The following PPP2R2A variants were observed in gnomAD, a reference collection of about 807,000 sequenced individuals.
PPP2R2A encodes serine/threonine-protein phosphatase 2A 55 kDa regulatory subunit B alpha isoform.
Under a neutral mutation model 53.2 loss-of-function variants are expected in PPP2R2A, and 9 were observed. That is an observed-to-expected ratio of 0.17 (90% CI 0.10 to 0.30). The LOEUF (loss-of-function observed/expected upper bound fraction) is 0.30. Among genes scored for constraint, PPP2R2A ranks in the 10% least tolerant of loss-of-function variants. The pLI is 1.00. For missense variants in PPP2R2A, 235 were observed against 534.6 expected (o/e 0.44, Z 5.53); for synonymous variants, 169 against 174.2 (o/e 0.97, Z 0.23).
chr8:26,330,987 T>C (rs1046614870), intron 2 of PPP2R2A, among the ~76,000 whole-genome samples: 1 of 152,158 alleles, frequency 6.6e-6, no homozygotes, highest in Non-Finnish European at 1.5e-5. Context: ...CTCTACCTGC[T>C]GGTGGGGATT....
At chr8:26,331,897 G>C (rs1375312277) in intron 2 of PPP2R2A, among the ~76,000 whole-genome samples, 1 of 152,152 alleles carries the variant, frequency 6.6e-6, no homozygotes, top group Non-Finnish European at 1.5e-5. Flanking sequence ...GCAATGTTTA[G>C]AGTGTTTTAT....
chr8:26,343,105 C>G (rs1475073392), intron 3 of PPP2R2A, among the ~76,000 whole-genome samples: 1 of 151,798 alleles, frequency 6.6e-6, no homozygotes, highest in African/African-American at 2.4e-5. Flanking sequence ...ACCTAGGAGG[C>G]GGAGGTTGCA....
chr8:26,306,903 G>C (rs1802050013), intron 2 of PPP2R2A, among the ~76,000 whole-genome samples: 1 of 152,140 alleles, frequency 6.6e-6, no homozygotes, highest in East Asian at 1.9e-4. Context: ...CTTTCTCCCA[G>C]TTTCTTCGTC....
intron 2 of PPP2R2A, among the ~76,000 whole-genome samples, chr8:26,323,382 A>G (rs1802937401): frequency 6.6e-6 from 1 of 152,158 alleles, no homozygotes; most frequent in Non-Finnish European, 1.5e-5. Context: ...CCCCCCATTC[A>G]GTTCCAACAC....
At chr8:26,302,788 A>G (rs979028676) in intron 2 of PPP2R2A, among the ~76,000 whole-genome samples, 1 of 152,228 alleles carries the variant, frequency 6.6e-6, no homozygotes, top group Non-Finnish European at 1.5e-5. Flanking sequence ...AGAGATTTGC[A>G]GCAGTGTAAA....
In PPP2R2A at chr8:26,321,269, G is replaced by T. The variant is rs1358462324; in HGVS notation, c.83-17621G>T. 2.0e-5 allele frequency among the ~76,000 whole-genome samples: 3 copies of T among 152,156 alleles called. No homozygotes were observed. Among genetic ancestry groups the T allele is most frequent in the Non-Finnish European group, 4.4e-5 (3 of 68,028 alleles). ...CATGTATTCTGTACTTTGAAACTGG[G>T]ATTGAAAACTAAATGGCTCTTACCA... On this transcript the variant is annotated intron_variant, in intron 2 of 9. Coordinates refer to ENST00000380737, the MANE Select transcript of PPP2R2A (RefSeq NM_002717.4). This position sits in a 1 kb window ranked among gnomAD's most constrained non-coding sequence, Gnocchi z 4.1.
chr8:26,346,286 G>A (rs549693835), intron 3 of PPP2R2A, among the ~76,000 whole-genome samples: 6 of 151,880 alleles, frequency 4.0e-5, no homozygotes, highest in Non-Finnish European at 8.8e-5. Flanking sequence ...GATTACAGAC[G>A]TGCACCACCA....
At chr8:26,345,784 G>A (rs1037361914) in intron 3 of PPP2R2A, among the ~76,000 whole-genome samples, 2 of 151,992 alleles carry the variant, frequency 1.3e-5, no homozygotes, top group Admixed American at 1.3e-4. Flanking sequence ...ATTGGATTTT[G>A]GTTTTACTTT....
chr8:26,330,417 TC>T (rs1309359290), intron 2 of PPP2R2A, among the ~76,000 whole-genome samples: 14 of 151,156 alleles, frequency 9.3e-5, no homozygotes, highest in African/African-American at 3.4e-4. Flanking sequence ...CAAGCGATCC[TC>T]CCATGTTCAA....
chr8:26,359,623 G>A (rs1244499174), intron 4 of PPP2R2A, among the ~76,000 whole-genome samples: 1 of 138,952 alleles, frequency 7.2e-6, no homozygotes, highest in Non-Finnish European at 1.6e-5. Context: ...TCCTACTTGT[G>A]AACCCTGATA....
In PPP2R2A at chr8:26,370,588, CTG is replaced by C; in HGVS notation, c.*178_*179del. ...TGGAGAAAGCTCTGTGGATTCATCACTGTGGTGTTCTCCATGTCTGCTAGCCA... is the reference window on the plus strand; with the variant it reads ...TGGAGAAAGCTCTGTGGATTCATCACTGGTGTTCTCCATGTCTGCTAGCCA... On this transcript the variant is annotated 3_prime_UTR_variant, in exon 10 of 10. Transcript: ENST00000380737. The surrounding 1 kb of genome is among the most constrained non-coding windows in gnomAD (Gnocchi z 6.1). 2 of 726,760 alleles carry C rather than the reference CTG, an allele frequency of 2.8e-6. No homozygotes were observed. Among genetic ancestry groups the C allele is most frequent in the South Asian group, 1.9e-5 (1 of 52,774 alleles). The allele number at this position is 726,760 out of a possible 1,614,324, so 45.0% of individuals were successfully genotyped here.
intron 3 of PPP2R2A, among the ~76,000 whole-genome samples, chr8:26,349,514 GCT>G (rs1268441929): frequency 6.6e-6 from 1 of 152,144 alleles, no homozygotes; most frequent in Non-Finnish European, 1.5e-5. Flanking sequence ...AAGTGGGATT[GCT>G]GGATTATATG....
chr8:26,303,492 G>C (rs951279102), intron 2 of PPP2R2A, among the ~76,000 whole-genome samples: 2 of 152,126 alleles, frequency 1.3e-5, no homozygotes, highest in Admixed American at 6.5e-5. Flanking sequence ...TCTGTTCTAG[G>C]AAAGAAGGCA....
At chr8:26,367,199 T>C (rs1805420136) in intron 9 of PPP2R2A, among the ~76,000 whole-genome samples, 1 of 152,196 alleles carries the variant, frequency 6.6e-6, no homozygotes, top group South Asian at 2.1e-4. Flanking sequence ...TTTAAAATTA[T>C]CTGATTTTTG....
At position 26,369,478 on chromosome 8, in the gene PPP2R2A, C is replaced by T. The variant is rs188923257; in HGVS notation, c.1065-656C>T. On this transcript the variant is annotated intron_variant, in intron 9 of 9. Coordinates refer to ENST00000380737, the MANE Select transcript of PPP2R2A (RefSeq NM_002717.4). ...CGACCTTGGCTCACTGCAAGCTCCACCTCCCGGGTTCACACCATTCTCCTG... is the reference window on the plus strand; with the variant it reads ...CGACCTTGGCTCACTGCAAGCTCCATCTCCCGGGTTCACACCATTCTCCTG... Among the ~76,000 whole-genome samples, 628 of 152,146 alleles carry T rather than the reference C, an allele frequency of 4.1e-3. 6 individuals carry two copies. Among genetic ancestry groups the T allele is most frequent in the African/African-American group, 0.014 (567 of 41,546 alleles).
At chr8:26,318,266 A>G (rs1563293683) in intron 2 of PPP2R2A, among the ~76,000 whole-genome samples, 1 of 152,160 alleles carries the variant, frequency 6.6e-6, no homozygotes. Flanking sequence ...TCCTAATTCA[A>G]ATAGTTTAAT....
intron 3 of PPP2R2A, among the ~76,000 whole-genome samples, chr8:26,345,698 CT>C (rs966788042): frequency 2.6e-5 from 4 of 152,110 alleles, no homozygotes; most frequent in Middle Eastern, 3.2e-3. Flanking sequence ...GCGACTGCCC[CT>C]TTGCAGTTAC....
chr8:26,320,512 C>A (rs145973865), intron 2 of PPP2R2A, among the ~76,000 whole-genome samples: 1 of 152,096 alleles, frequency 6.6e-6, no homozygotes, highest in Non-Finnish European at 1.5e-5. Flanking sequence ...TTCTAACTTA[C>A]GATTAGTCTT....
chr8:26,291,604 A>G lies in PPP2R2A; in HGVS notation c.-216A>G, dbSNP rs1801296475. On this transcript the variant is annotated 5_prime_UTR_variant, in exon 1 of 10. Transcript: ENST00000380737. ...AGTCGCCGCCGCCGCTGCCGGAGAA[A>G]GAGCACGAGCGGGGAAGCCCCAGAG... 7.3e-6 allele frequency: 4 copies of G among 546,582 alleles called. No individual in the cohort carries two copies. The highest frequency in any genetic ancestry group is 9.7e-6 in the Non-Finnish European group (3 of 309,022). The allele number at this position is 546,582 out of a possible 1,614,324, so 33.9% of individuals were successfully genotyped here. A position where few individuals can be genotyped will look rare whatever the true frequency, so the allele number is the denominator to read the frequency against.
Sources: gnomAD v4.1 joint callset for allele counts (sites outside exome capture counted in the v4.1 genomes callset) on GRCh38, gnomAD v4.1.1 for gene constraint, Gnocchi (gnomAD v3.1) non-coding constraint, MANE v1.5 for transcripts, NCBI Gene and HGNC (gene_info 2026-07-23, HGNC 2026-07-21) for gene names.